PCDHGA8: variants seen among roughly 807,000 people sequenced by gnomAD.
PCDHGA8 encodes protocadherin gamma subfamily A, 8.
In PCDHGA8, 45 loss-of-function variants were observed where a neutral mutation model predicts 59.2. That is an observed-to-expected ratio of 0.76 (90% CI 0.60 to 0.98). The LOEUF (loss-of-function observed/expected upper bound fraction) is 0.98. PCDHGA8 is among the 50% of genes least tolerant of loss of function. PCDHGA8 has a pLI of 0.00. For synonymous variants in PCDHGA8, 531 were observed against 519.0 expected (o/e 1.02, Z -0.32); for missense variants, 1,257 against 1,196.2 (o/e 1.05, Z -0.75).
rs1243232069 is a variant in PCDHGA8 at position 141,490,842 on chromosome 5, G to A, written c.2425-3965G>A. Reference sequence around the variant, plus strand: ...TGCTGCAGATGCTGCAGATTGTGGTGGGGGTTCGAGACTCCGGCTCTCCCC... The same window carrying A: ...TGCTGCAGATGCTGCAGATTGTGGTAGGGGTTCGAGACTCCGGCTCTCCCC... On this transcript the variant is annotated intron_variant, in intron 1 of 3. Transcript: ENST00000398604. The surrounding 1 kb of genome is among the most constrained non-coding windows in gnomAD (Gnocchi z 5.4). 4.3e-6 allele frequency: 7 copies of A among 1,613,844 alleles called. No homozygotes were observed. In the South Asian group the frequency reaches 6.6e-5, roughly 15 times the overall value.
chr5:141,435,904 C>G (rs967350870), intron 1 of PCDHGA8, among the ~76,000 whole-genome samples: 2 of 152,068 alleles, frequency 1.3e-5, no homozygotes, highest in Admixed American at 6.5e-5. Context: ...TGAAAGACAT[C>G]CAAGGGCTCT....
At chr5:141,437,460 T>C (rs2097886220) in intron 1 of PCDHGA8, among the ~76,000 whole-genome samples, 1 of 152,230 alleles carries the variant, frequency 6.6e-6, no homozygotes, top group South Asian at 2.1e-4. Flanking sequence ...GAGACTATAC[T>C]ATACTTTTAT....
At position 141,487,665 on chromosome 5, in the gene PCDHGA8, G is replaced by C. The variant is rs373971935; in HGVS notation, c.2425-7142G>C. 2.1e-5 allele frequency: 34 copies of C among 1,612,724 alleles called. No homozygotes were observed. In the South Asian group the frequency reaches 3.4e-4, roughly 16 times the overall value. ...ATGCTTGAGGGTTATTCTGATCCAG[G>C]CATATGGCTAGGCCATGTCCTAGAG... On this transcript the variant is annotated intron_variant, in intron 1 of 3. Transcript: ENST00000398604. The surrounding 1 kb of genome is among the most constrained non-coding windows in gnomAD (Gnocchi z 5.0).
In PCDHGA8 at chr5:141,417,855, G is replaced by T. The variant is rs1436078486; in HGVS notation, c.2424+22618G>T. The T allele has an allele frequency of 2.6e-6, 4 of 1,544,916 alleles. No individual in the cohort carries two copies. In the Admixed American group the frequency reaches 8.0e-5, roughly 31 times the overall value. ...GCGGGGACCCAGCGAGAACCCGAGC[G>T]AACGATGGGAGGGAGCTGCGCGCAG... On this transcript the variant is annotated intron_variant, in intron 1 of 3. Transcript: ENST00000398604.
chr5:141,471,006 T>A (rs560578929), intron 1 of PCDHGA8, among the ~76,000 whole-genome samples: 57 of 150,804 alleles, frequency 3.8e-4, no homozygotes, highest in African/African-American at 1.3e-3. Context: ...CATGAGCCAC[T>A]GTGCCTGGTC....
At chr5:141,409,708 G>C (rs2095304272) in intron 1 of PCDHGA8, 5 of 1,613,088 alleles carry the variant, frequency 3.1e-6, no homozygotes, top group Non-Finnish European at 1.7e-6. Context: ...TGGCGGTGTC[G>C]TCATACGTGT....
rs70988802 is a variant in PCDHGA8 at position 141,450,006 on chromosome 5, C to CTATTTTTTTT, written c.2425-44800_2425-44799insATTTTTTTTT. ...CACATTGCATTTAGTTGCCATGTCTCTTTTTTTTTTTTTTTTTTGAGACAG... is the reference window on the plus strand; with the variant it reads ...CACATTGCATTTAGTTGCCATGTCTCTATTTTTTTTTTTTTTTTTTTTTTTTTTGAGACAG... On this transcript the variant is annotated intron_variant, in intron 1 of 3. Transcript: ENST00000398604. Among the ~76,000 whole-genome samples the CTATTTTTTTT allele has an allele frequency of 3.0e-5, 4 of 132,980 alleles. 1 individual carries two copies. The highest frequency in any genetic ancestry group is 5.6e-5 in the African/African-American group (2 of 35,572). 87.2% of individuals were successfully genotyped at this position (132,980 alleles called of 152,430 possible). A position where few individuals can be genotyped will look rare whatever the true frequency, so the allele number is the denominator to read the frequency against.
chr5:141,482,220 G>T (rs945741591), intron 1 of PCDHGA8, among the ~76,000 whole-genome samples: 8 of 152,148 alleles, frequency 5.3e-5, no homozygotes, highest in African/African-American at 1.9e-4. Flanking sequence ...ACTTGTTTTG[G>T]TGTGAAATTG....
intron 1 of PCDHGA8, chr5:141,409,356 A>G: frequency 6.2e-7 from 1 of 1,614,004 alleles, no homozygotes; most frequent in Non-Finnish European, 8.5e-7. Context: ...GTCAGGTGTA[A>G]TATAGAAACA....
rs374672662 is a variant in PCDHGA8, at chr5:141,395,019, C to T, written c.2206C>T (p.Pro736Ser). ...QDSGGRLVGV[P>S]ASHFVGVEEV... ...TTCCGGTGGCAGATTGGTAGGCGTG[C>T]CTGCCTCACATTTTGTGGGTGTTGA... Residue 736 changes from proline to serine, a missense_variant, in exon 1 of 4, where the codon CCT becomes TCT. Transcript: ENST00000398604. The T allele has an allele frequency of 3.1e-6, 5 of 1,613,986 alleles. No individual in the cohort carries two copies. Among genetic ancestry groups the T allele is most frequent in the South Asian group, 1.1e-5 (1 of 91,084 alleles).
rs2097423534 is a variant in PCDHGA8 at position 141,431,850 on chromosome 5, C to A, written c.2424+36613C>A. 6.2e-7 allele frequency: 1 copy of A among 1,614,234 alleles called. No individual in the cohort carries two copies. ...GTTCCCGAAAACTCTCCCAGAGGGA[C>A]ATTAATTGCCCTTTTAAATGTAAAT... On this transcript the variant is annotated intron_variant, in intron 1 of 3. Coordinates refer to ENST00000398604, the MANE Select transcript of PCDHGA8 (RefSeq NM_032088.2). This position sits in a 1 kb window ranked among gnomAD's most constrained non-coding sequence, Gnocchi z 4.8.
chr5:141,398,148 G>T lies in PCDHGA8; in HGVS notation c.2424+2911G>T, dbSNP rs768560617. The T allele has an allele frequency of 9.4e-6, 14 of 1,497,140 alleles. 1 individual carries two copies. Among genetic ancestry groups the T allele is most frequent in the East Asian group, 9.3e-5 (4 of 42,788 alleles). 92.7% of individuals were successfully genotyped at this position (1,497,140 alleles called of 1,614,324 possible). On this transcript the variant is annotated intron_variant, in intron 1 of 3. Coordinates refer to ENST00000398604, the MANE Select transcript of PCDHGA8 (RefSeq NM_032088.2). ...GAGGGATGGGGAGCGGCGCCGGGGA[G>T]CTGGGCCGGGCTGAGAGGCTGCCAG...
chr5:141,492,332 G>A (rs2099739439), intron 1 of PCDHGA8, among the ~76,000 whole-genome samples: 1 of 152,204 alleles, frequency 6.6e-6, no homozygotes. Flanking sequence ...GGGCTTACGC[G>A]AATACCAGCT....
chr5:141,475,167 G>A (rs529813171), intron 1 of PCDHGA8, among the ~76,000 whole-genome samples: 4 of 152,042 alleles, frequency 2.6e-5, no homozygotes, highest in Admixed American at 6.6e-5. Flanking sequence ...CATTAGCAGT[G>A]CAACTTCTTG....
At chr5:141,445,805 A>G (rs2098478274) in intron 1 of PCDHGA8, among the ~76,000 whole-genome samples, 2 of 152,236 alleles carry the variant, frequency 1.3e-5, no homozygotes, top group South Asian at 4.1e-4. Flanking sequence ...GAAAATAAAT[A>G]GATGAAACTA....
At chr5:141,406,331 C>A (rs577134835) in intron 1 of PCDHGA8, among the ~76,000 whole-genome samples, 22 of 152,002 alleles carry the variant, frequency 1.4e-4, no homozygotes, top group Non-Finnish European at 2.8e-4. Context: ...CTTACTCCTA[C>A]GATCATTTAT....
rs556217163 is a variant in PCDHGA8, at chr5:141,433,697, C to T, written c.2424+38460C>T. Among the ~76,000 whole-genome samples the T allele has an allele frequency of 6.0e-4, 91 of 152,138 alleles. 1 individual carries two copies. Among genetic ancestry groups the T allele is most frequent in the African/African-American group, 2.0e-3 (85 of 41,536 alleles). ...CTAAAAAAATACAAAATTAGCCGGGCGTGGTGGTGCATGTCTGTAATCCCA... is the reference window on the plus strand; with the variant it reads ...CTAAAAAAATACAAAATTAGCCGGGTGTGGTGGTGCATGTCTGTAATCCCA... On this transcript the variant is annotated intron_variant, in intron 1 of 3. Coordinates refer to ENST00000398604, the MANE Select transcript of PCDHGA8 (RefSeq NM_032088.2).
At chr5:141,395,497 A>T in intron 1 of PCDHGA8, 1 of 472,724 alleles carries the variant, frequency 2.1e-6, no homozygotes, top group Non-Finnish European at 3.7e-6. Flanking sequence ...TCACTCATTC[A>T]CTTAAGAAGT....
Position 141,419,305 on chromosome 5 carries a change from G to A in PCDHGA8, c.2424+24068G>A, listed in dbSNP as rs778360128. ...TCAGTGCCTCTGACCCAGACTTCGGGCTCAACGGCCGTGTCTCCTACTCTC... is the reference window on the plus strand; with the variant it reads ...TCAGTGCCTCTGACCCAGACTTCGGACTCAACGGCCGTGTCTCCTACTCTC... On this transcript the variant is annotated intron_variant, in intron 1 of 3. Transcript: ENST00000398604. The A allele has an allele frequency of 3.1e-6, 5 of 1,613,906 alleles. No individual in the cohort carries two copies. The East Asian group carries it at 1.1e-4, about 36-fold the overall frequency.
Sources: gnomAD v4.1 joint callset for allele counts (sites outside exome capture counted in the v4.1 genomes callset) on GRCh38, gnomAD v4.1.1 for gene constraint, Gnocchi (gnomAD v3.1) non-coding constraint, MANE v1.5 for transcripts, NCBI Gene and HGNC (gene_info 2026-07-23, HGNC 2026-07-21) for gene names.